PLLP: variants seen among roughly 807,000 people sequenced by gnomAD.
The protein encoded by PLLP is plasma membrane proteolipid (plasmolipin).
A neutral mutation model predicts 19.7 loss-of-function variants in PLLP; 15 were observed. The observed-to-expected ratio is 0.76, with a 90% CI of 0.51 to 1.17. PLLP has a LOEUF of 1.17. Among genes scored for constraint, PLLP ranks in the 50% most tolerant of loss-of-function variants. PLLP has a pLI of 0.00. For synonymous variants in PLLP, 111 were observed against 116.3 expected (o/e 0.95, Z 0.29); for missense variants, 255 against 258.3 (o/e 0.99, Z 0.09).
At chr16:57,283,558 C>T (rs1901244669) in intron 1 of PLLP, among the ~76,000 whole-genome samples, 1 of 152,200 alleles carries the variant, frequency 6.6e-6, no homozygotes, top group South Asian at 2.1e-4. Context: ...ACCCAGGGCA[C>T]CCACCCAGCT....
At chr16:57,274,883 T>C (rs904057417) in intron 1 of PLLP, among the ~76,000 whole-genome samples, 35 of 152,092 alleles carry the variant, frequency 2.3e-4, no homozygotes, top group Non-Finnish European at 3.7e-4. Flanking sequence ...TGCCTCAGCC[T>C]CCCGAGTAGC....
At chr16:57,262,201 C>T (rs1410013959) in intron 1 of PLLP, 131 bp from the exon 2 acceptor site, 7 of 814,606 alleles carry the variant, frequency 8.6e-6, no homozygotes, top group East Asian at 8.0e-5. Context: ...GTGTAATAAT[C>T]GCTGGAGGCC....
At chr16:57,273,474 G>T (rs1901105291) in intron 1 of PLLP, among the ~76,000 whole-genome samples, 1 of 152,086 alleles carries the variant, frequency 6.6e-6, no homozygotes, top group Non-Finnish European at 1.5e-5. Context: ...GAGACCCTGG[G>T]GTACCACCCT....
Position 57,256,657 on chromosome 16 carries a change from C to A in PLLP, c.*256G>T. On this transcript the variant is annotated 3_prime_UTR_variant, in exon 4 of 4. Transcript: ENST00000219207. ...CAAGGCAGAGACACAGCCTCAGATC[C>A]CCCGTCATCTTCCACTGAATAAGGG... is the stretch of plus-strand genomic sequence containing the variant. The A allele has an allele frequency of 2.1e-6, 1 of 471,884 alleles. No individual in the cohort carries two copies. The highest frequency in any genetic ancestry group is 3.3e-5 in the South Asian group (1 of 30,040). The allele number at this position is 471,884 out of a possible 1,614,324, so 29.2% of individuals were successfully genotyped here.
intron 1 of PLLP, among the ~76,000 whole-genome samples, chr16:57,270,331 A>G (rs36059112): frequency 0.027 from 1,966 of 73,594 alleles, 28 homozygotes; most frequent in Non-Finnish European, 0.035. Flanking sequence ...CACAGCCCCC[A>G]AGTCCTTCCA....
In PLLP at chr16:57,256,874, G is replaced by T; in HGVS notation, c.*39C>A. 1 of 1,377,496 alleles carries T rather than the reference G, an allele frequency of 7.3e-7. No individual in the cohort carries two copies. The allele number at this position is 1,377,496 out of a possible 1,614,324, so 85.3% of individuals were successfully genotyped here. A position where few individuals can be genotyped will look rare whatever the true frequency, so the allele number is the denominator to read the frequency against. ...GGGTGACCCTGCTCTGTGACCCAGC[G>T]GCGGCTTCAGCCCCAGAGGGGGCCG... is the stretch of plus-strand genomic sequence containing the variant. On this transcript the variant is annotated 3_prime_UTR_variant, in exon 4 of 4. Transcript: ENST00000219207.
chr16:57,272,006 A>G (rs79350109), intron 1 of PLLP, among the ~76,000 whole-genome samples: 3,363 of 152,104 alleles, frequency 0.022, 126 homozygotes, highest in African/African-American at 0.077. Flanking sequence ...GAGCATTCCC[A>G]GGAAGGCCTT....
At position 57,284,542 on chromosome 16, in the gene PLLP, G is replaced by A; in HGVS notation, c.-2C>T. On this transcript the variant is annotated 5_prime_UTR_variant, in exon 1 of 4. Coordinates refer to ENST00000219207, the MANE Select transcript of PLLP (RefSeq NM_015993.3). ...AACTTTCGACGGGAACTCGGCCATG[G>A]CGGCTCCGCTTGCCTCCCGAGGTCG... 1 of 1,357,208 alleles carries A rather than the reference G, an allele frequency of 7.4e-7. No homozygotes were observed. The allele number at this position is 1,357,208 out of a possible 1,614,324, so 84.1% of individuals were successfully genotyped here.
At chr16:57,269,589 C>A (rs1340176220) in intron 1 of PLLP, among the ~76,000 whole-genome samples, 1 of 152,088 alleles carries the variant, frequency 6.6e-6, no homozygotes, top group African/African-American at 2.4e-5. Context: ...AGGAAGGCAG[C>A]CGGGGCCTAG....
rs141940164 is a variant in PLLP at position 57,260,727 on chromosome 16, C to T, written c.309+1170G>A. Among the ~76,000 whole-genome samples the T allele has an allele frequency of 6.8e-4, 104 of 152,238 alleles. 1 individual carries two copies. The East Asian group carries it at 0.017, about 25-fold the overall frequency. ...ACCAGCAGCTTTCTGTGTGTCTGGC[C>T]GGGGTACTTCCCATGTCCGCTCTCA... On this transcript the variant is annotated intron_variant, in intron 2 of 3. Coordinates refer to ENST00000219207, the MANE Select transcript of PLLP (RefSeq NM_015993.3).
chr16:57,262,274 G>A (rs1567529386), intron 1 of PLLP, among the ~76,000 whole-genome samples: 1 of 152,034 alleles, frequency 6.6e-6, no homozygotes, highest in Non-Finnish European at 1.5e-5. Flanking sequence ...AATTAAGGCC[G>A]GGCGCAGTGG....
intron 1 of PLLP, among the ~76,000 whole-genome samples, chr16:57,267,656 T>C (rs1347521347): frequency 6.6e-6 from 1 of 151,818 alleles, no homozygotes; most frequent in African/African-American, 2.4e-5. Flanking sequence ...GGCAGGTGGA[T>C]CACCTAAGGT....
In PLLP at chr16:57,261,295, A is replaced by G. The variant is rs180990108; in HGVS notation, c.309+602T>C. 5.3e-4 allele frequency among the ~76,000 whole-genome samples: 81 copies of G among 152,146 alleles called. 3 individuals are homozygous for G. The East Asian group carries it at 0.015, about 28-fold the overall frequency. On this transcript the variant is annotated intron_variant, in intron 2 of 3. Coordinates refer to ENST00000219207, the MANE Select transcript of PLLP (RefSeq NM_015993.3). ...GCTGGGATTACAGGCGTGAGCCACC[A>G]CACCCGGCCGGGAAAAATATTTTTA...
At chr16:57,271,512 G>T (rs976007946) in intron 1 of PLLP, among the ~76,000 whole-genome samples, 2 of 152,076 alleles carry the variant, frequency 1.3e-5, no homozygotes, top group African/African-American at 4.8e-5. Context: ...GGGCGTGGTG[G>T]TGGGCACCTG....
chr16:57,280,434 C>T (rs2146451766), intron 1 of PLLP, among the ~76,000 whole-genome samples: 1 of 152,166 alleles, frequency 6.6e-6, no homozygotes, highest in East Asian at 1.9e-4. Flanking sequence ...AAGCAAATAA[C>T]CACGCCTTCT....
rs2075442825 is a variant in PLLP, at chr16:57,261,884, C to CA, written c.309+12dup. ...CTGTCATAGCCACTTCCAGTACCCC[C>CA]ACCCAGACTCACCACCAGTGGCCAG... On this transcript the variant is annotated intron_variant, in intron 2 of 3. Transcript: ENST00000219207. 1.9e-6 allele frequency: 3 copies of CA among 1,612,568 alleles called. No homozygotes were observed. The East Asian group carries it at 6.7e-5, about 36-fold the overall frequency.
At chr16:57,275,641 CAAAAAAAA>C (rs57139241) in intron 1 of PLLP, among the ~76,000 whole-genome samples, 2 of 41,390 alleles carry the variant, frequency 4.8e-5, no homozygotes, top group Non-Finnish European at 8.5e-5. Context: ...TTTTGCAAGG[CAAAAAAAA>C]AAAAAAAAAA....
Position 57,269,768 on chromosome 16 carries a change from CTATT to C in PLLP, c.136-7702_136-7699del, listed in dbSNP as rs1390837067. 1.1e-4 allele frequency among the ~76,000 whole-genome samples: 16 copies of C among 152,130 alleles called. 1 individual carries two copies. In the South Asian group the frequency reaches 1.2e-3, roughly 12 times the overall value. ...AGTCTGGATTTTATATGGAAATCAG[CTATT>C]TATTTATTTATCTGATGGAGTCTCG... On this transcript the variant is annotated intron_variant, in intron 1 of 3. Coordinates refer to ENST00000219207, the MANE Select transcript of PLLP (RefSeq NM_015993.3).
chr16:57,278,977 A>G (rs1901186445), intron 1 of PLLP, among the ~76,000 whole-genome samples: 1 of 152,196 alleles, frequency 6.6e-6, no homozygotes, highest in Non-Finnish European at 1.5e-5. Flanking sequence ...CCAAGGATGG[A>G]GCAGGCAGCC....
Sources: allele counts gnomAD v4.1 joint callset (sites outside exome capture counted in the v4.1 genomes callset), GRCh38; gene constraint gnomAD v4.1.1; transcripts MANE v1.5; gene names NCBI Gene and HGNC (gene_info 2026-07-23, HGNC 2026-07-21).